ZC3H12C: variants seen among roughly 807,000 people sequenced by gnomAD.
ZC3H12C encodes zinc finger CCCH-type containing 12C.
Under a neutral mutation model 76.3 loss-of-function variants are expected in ZC3H12C, and 20 were observed. That is an observed-to-expected ratio of 0.26 (90% CI 0.18 to 0.38). The LOEUF is 0.38. ZC3H12C is among the 10% of genes least tolerant of loss of function. The pLI, the probability that ZC3H12C is intolerant of heterozygous loss-of-function variation, is 1.00. For missense variants in ZC3H12C, 874 were observed against 1,086.5 expected, an observed-to-expected ratio of 0.80 and a Z score of 2.75; for synonymous variants, 352 against 399.6, an observed-to-expected ratio of 0.88 and a Z score of 1.42.
At chr11:110,104,554 CT>C (rs1315395639) in intron 1 of ZC3H12C, among the ~76,000 whole-genome samples, 1 of 152,128 alleles carries the variant, frequency 6.6e-6, no homozygotes, top group Non-Finnish European at 1.5e-5. Context: ...TAATTAAAAG[CT>C]GTAGGATACT....
chr11:110,116,748 A>G (rs1159627446), intron 1 of ZC3H12C, among the ~76,000 whole-genome samples: 1 of 152,194 alleles, frequency 6.6e-6, no homozygotes, highest in Non-Finnish European at 1.5e-5. Flanking sequence ...AACTCATTTA[A>G]TCTTCATAAC....
chr11:110,170,917 G>A lies in ZC3H12C; in HGVS notation c.*5180G>A, dbSNP rs1272725180. 6.6e-6 allele frequency: 1 copy of A among 152,144 alleles called. No individual in the cohort carries two copies. Among genetic ancestry groups the A allele is most frequent in the African/African-American group, 2.4e-5 (1 of 41,438 alleles). The allele number at this position is 152,144 out of a possible 1,614,324, so 9.4% of individuals were successfully genotyped here. A position where few individuals can be genotyped will look rare whatever the true frequency, so the allele number is the denominator to read the frequency against. On this transcript the variant is annotated 3_prime_UTR_variant, in exon 6 of 6. Transcript: ENST00000278590. ...TAACTTAATTATTACTCCTGTTGCA[G>A]TGTTACTGTTATGTATTAGAAGTGG...
chr11:110,105,024 A>G (rs1171079211), intron 1 of ZC3H12C, among the ~76,000 whole-genome samples: 1 of 152,180 alleles, frequency 6.6e-6, no homozygotes, highest in Non-Finnish European at 1.5e-5. Flanking sequence ...GTAAAGCTAA[A>G]ATTAGTTTTT....
chr11:110,109,798 TTTTA>T (rs1163433255), intron 1 of ZC3H12C, among the ~76,000 whole-genome samples: 3 of 152,188 alleles, frequency 2.0e-5, no homozygotes, highest in African/African-American at 7.2e-5. Flanking sequence ...AGTCTGTAAT[TTTTA>T]TTTCTTTTTA....
At chr11:110,124,886 AT>A (rs1343943380) in intron 1 of ZC3H12C, among the ~76,000 whole-genome samples, 3 of 151,752 alleles carry the variant, frequency 2.0e-5, no homozygotes, top group African/African-American at 7.3e-5. Context: ...CCTAAGGGAT[AT>A]TCAAGGAAGG....
intron 1 of ZC3H12C, among the ~76,000 whole-genome samples, chr11:110,128,337 TACC>T (rs906251232): frequency 6.6e-6 from 1 of 152,196 alleles, no homozygotes; most frequent in African/African-American, 2.4e-5. Flanking sequence ...ATAGTCTAAA[TACC>T]ACAGCAGGAT....
chr11:110,158,167 C>G (rs576559928), intron 3 of ZC3H12C, among the ~76,000 whole-genome samples: 1 of 152,178 alleles, frequency 6.6e-6, no homozygotes, highest in African/African-American at 2.4e-5. Flanking sequence ...ACTCTAGTAC[C>G]CTTTTTTAAA....
chr11:110,125,272 TGTG>T (rs1344557766), intron 1 of ZC3H12C, among the ~76,000 whole-genome samples: 3 of 616 alleles, frequency 4.9e-3, no homozygotes, highest in African/African-American at 0.01. Context: ...CTCTCACTAG[TGTG>T]TGTGTGTGTG....
intron 1 of ZC3H12C, among the ~76,000 whole-genome samples, chr11:110,134,533 A>G (rs915104358): frequency 1.3e-5 from 2 of 152,262 alleles, no homozygotes; most frequent in Middle Eastern, 3.4e-3. Flanking sequence ...GTGTTAGTAT[A>G]TTACAGTAGT....
intron 1 of ZC3H12C, among the ~76,000 whole-genome samples, chr11:110,117,629 C>T (rs183195314): frequency 1.4e-5 from 2 of 144,168 alleles, no homozygotes; most frequent in Non-Finnish European, 3.0e-5. Flanking sequence ...TTAATTTGTC[C>T]CACATGAGAT....
intron 2 of ZC3H12C, among the ~76,000 whole-genome samples, chr11:110,147,281 T>G (rs2134186525): frequency 6.6e-6 from 1 of 152,296 alleles, no homozygotes; most frequent in African/African-American, 2.4e-5. Flanking sequence ...TATGCACTCC[T>G]ACCATGTCTG....
intron 2 of ZC3H12C, among the ~76,000 whole-genome samples, chr11:110,148,690 C>G (rs1456079100): frequency 6.6e-6 from 1 of 152,230 alleles, no homozygotes; most frequent in African/African-American, 2.4e-5. Flanking sequence ...AAGGAACATG[C>G]TAATTCATAA....
chr11:110,134,592 A>G (rs1861921962), intron 1 of ZC3H12C, among the ~76,000 whole-genome samples: 2 of 152,154 alleles, frequency 1.3e-5, no homozygotes, highest in South Asian at 2.1e-4. Flanking sequence ...CCTTCCTTCA[A>G]TTCTAAGTAA....
intron 1 of ZC3H12C, among the ~76,000 whole-genome samples, chr11:110,121,013 A>G (rs1393961548): frequency 1.3e-5 from 2 of 152,216 alleles, no homozygotes; most frequent in Non-Finnish European, 2.9e-5. Context: ...AACCTTGGCT[A>G]CACATTAGAA....
At chr11:110,125,149 A>G (rs1329045098) in intron 1 of ZC3H12C, among the ~76,000 whole-genome samples, 1 of 152,140 alleles carries the variant, frequency 6.6e-6, no homozygotes, top group Non-Finnish European at 1.5e-5. Flanking sequence ...TTGCTCATAG[A>G]TGTGAAAACG....
intron 1 of ZC3H12C, among the ~76,000 whole-genome samples, chr11:110,108,211 C>T (rs1861366573): frequency 6.6e-6 from 1 of 152,186 alleles, no homozygotes; most frequent in African/African-American, 2.4e-5. Flanking sequence ...CTGCCTCGGC[C>T]TCCTAAAGTG....
At chr11:110,127,682 GCCAGGAGATTGAGA>G (rs1287885752) in intron 1 of ZC3H12C, among the ~76,000 whole-genome samples, 1 of 151,832 alleles carries the variant, frequency 6.6e-6, no homozygotes, top group Non-Finnish European at 1.5e-5. Flanking sequence ...ATCACATGAG[GCCAGGAGATTGAGA>G]CCAGCCTGGG....
rs367546271 is a variant in ZC3H12C, at chr11:110,153,075, C to A, written c.913+17C>A. On this transcript the variant is annotated intron_variant, in intron 3 of 5. Transcript: ENST00000278590. ...TCATTACAGGTAGGCTTATTCCAGG[C>A]GGCTGCTTGTACCTAGCTTTCCTAT... 3 of 1,606,476 alleles carry A rather than the reference C, an allele frequency of 1.9e-6. No individual in the cohort carries two copies. In the South Asian group the frequency reaches 3.3e-5, roughly 18 times the overall value.
chr11:110,106,620 A>G (rs762601071), intron 1 of ZC3H12C, among the ~76,000 whole-genome samples: 42 of 152,362 alleles, frequency 2.8e-4, no homozygotes, highest in Non-Finnish European at 4.7e-4. Context: ...GATGGTATAT[A>G]TCGAAGCACT....
Sources: allele counts gnomAD v4.1 joint callset (sites outside exome capture counted in the v4.1 genomes callset), GRCh38; gene constraint gnomAD v4.1.1; transcripts MANE v1.5; gene names NCBI Gene and HGNC (gene_info 2026-07-23, HGNC 2026-07-21).